Variants in KIAA1217 observed in about 807,000 individuals in gnomAD.
KIAA1217 encodes the protein KIAA1217.
KIAA1217 carries 88 observed loss-of-function variants against 163.9 expected under a neutral mutation model. The ratio of observed to expected loss-of-function variants is 0.54; its 90% CI spans 0.45 to 0.64. The LOEUF (loss-of-function observed/expected upper bound fraction) is 0.64, where lower values mean the gene tolerates loss of function less well. Among genes scored for constraint, KIAA1217 ranks in the 30% least tolerant of loss-of-function variants. The pLI is 0.00. For missense variants in KIAA1217, 2,372 were observed against 2,475.0 expected (o/e 0.96, Z 0.88); for synonymous variants, 903 against 923.1 (o/e 0.98, Z 0.39).
chr10:23,853,258 T>G (rs1030356480), intron 1 of KIAA1217, among the ~76,000 whole-genome samples: 3 of 152,238 alleles, frequency 2.0e-5, no homozygotes, highest in Admixed American at 6.5e-5. Flanking sequence ...CTTTTGTGCA[T>G]CTATTGAGAT....
chr10:23,958,860 G>A (rs11013814), intron 1 of KIAA1217, among the ~76,000 whole-genome samples: 8,587 of 151,022 alleles, frequency 0.057, 366 homozygotes, highest in African/African-American at 0.12. Flanking sequence ...TTTTACTCTC[G>A]CAGACAGGCT....
chr10:24,426,152 A>C (rs1007438474), intron 3 of KIAA1217, among the ~76,000 whole-genome samples: 1 of 152,206 alleles, frequency 6.6e-6, no homozygotes, highest in African/African-American at 2.4e-5. Flanking sequence ...TTCAGGGAAA[A>C]TGGTATTGCT....
chr10:23,944,425 A>G (rs1176766486), intron 1 of KIAA1217, among the ~76,000 whole-genome samples: 1 of 152,164 alleles, frequency 6.6e-6, no homozygotes, highest in Admixed American at 6.5e-5. Context: ...CCCTGTCTCA[A>G]AAAAAGAAGT....
In KIAA1217 at chr10:24,546,693, G is replaced by A. The variant is rs1009163337; in HGVS notation, c.*369G>A. The A allele has an allele frequency of 5.9e-5, 10 of 170,124 alleles. No homozygotes were observed. The highest frequency in any genetic ancestry group is 2.1e-4 in the African/African-American group (9 of 41,952). 10.5% of individuals were successfully genotyped at this position (170,124 alleles called of 1,614,324 possible). ...TTTGTATAAAACTATTTTTCATTAC[G>A]GAGACTAGAAGTGAACAGAGAATTA... On this transcript the variant is annotated 3_prime_UTR_variant, in exon 21 of 21. Coordinates refer to ENST00000376454, the MANE Select transcript of KIAA1217 (RefSeq NM_019590.5).
intron 2 of KIAA1217, among the ~76,000 whole-genome samples, chr10:24,057,346 G>A (rs906210765): frequency 2.6e-5 from 4 of 152,126 alleles, no homozygotes; most frequent in African/African-American, 9.7e-5. Flanking sequence ...ATTAACTATA[G>A]ACACAACATG....
intron 2 of KIAA1217, among the ~76,000 whole-genome samples, chr10:24,146,163 T>C (rs946655315): frequency 1.3e-5 from 2 of 152,214 alleles, no homozygotes; most frequent in Non-Finnish European, 2.9e-5. Flanking sequence ...CCGTTTCATA[T>C]TGAATTAATC....
chr10:24,328,148 G>A (rs1428710963), intron 2 of KIAA1217, among the ~76,000 whole-genome samples: 1 of 152,164 alleles, frequency 6.6e-6, no homozygotes, highest in Non-Finnish European at 1.5e-5. Context: ...TATTGCCGGG[G>A]AAGAAAGCTT....
intron 1 of KIAA1217, among the ~76,000 whole-genome samples, chr10:23,715,944 AT>A (rs1359548432): frequency 6.6e-6 from 1 of 152,154 alleles, no homozygotes; most frequent in Non-Finnish European, 1.5e-5. Context: ...CATTGCACCA[AT>A]TTGCAAGTTA....
At chr10:23,887,811 C>A (rs1841247980) in intron 1 of KIAA1217, among the ~76,000 whole-genome samples, 1 of 151,902 alleles carries the variant, frequency 6.6e-6, no homozygotes, top group African/African-American at 2.4e-5. Context: ...CCTCCACCCC[C>A]AGAGAACCTG....
intron 2 of KIAA1217, among the ~76,000 whole-genome samples, chr10:24,124,730 T>C (rs2063406009): frequency 6.6e-6 from 1 of 152,242 alleles, no homozygotes; most frequent in Non-Finnish European, 1.5e-5. Flanking sequence ...TAAATTATAC[T>C]AATAAATTTC....
At chr10:23,969,436 C>T (rs1034454162) in intron 1 of KIAA1217, among the ~76,000 whole-genome samples, 2 of 152,210 alleles carry the variant, frequency 1.3e-5, no homozygotes, top group Admixed American at 1.3e-4. Context: ...TCTAATTTCC[C>T]CACAACCTCA....
chr10:24,451,146 A>G (rs907861162), intron 5 of KIAA1217, among the ~76,000 whole-genome samples: 1 of 152,210 alleles, frequency 6.6e-6, no homozygotes, highest in Admixed American at 6.5e-5. Flanking sequence ...CTTCTTTACT[A>G]CACAGACCTT....
intron 2 of KIAA1217, among the ~76,000 whole-genome samples, chr10:24,146,936 A>G (rs2064343178): frequency 6.6e-6 from 1 of 151,932 alleles, no homozygotes; most frequent in South Asian, 2.1e-4. Flanking sequence ...CGTATCTTCA[A>G]CATCAAAATG....
At chr10:23,917,115 A>G (rs916616937) in intron 1 of KIAA1217, among the ~76,000 whole-genome samples, 10 of 152,092 alleles carry the variant, frequency 6.6e-5, no homozygotes, top group African/African-American at 2.4e-4. Context: ...GTGTTTTAAC[A>G]TATTTTATTA....
At chr10:23,759,342 T>C (rs1328851822) in intron 1 of KIAA1217, among the ~76,000 whole-genome samples, 1 of 152,220 alleles carries the variant, frequency 6.6e-6, no homozygotes, top group Non-Finnish European at 1.5e-5. Flanking sequence ...TATAAGAACA[T>C]GCCATATGTG....
chr10:23,779,345 A>G (rs117441203), intron 1 of KIAA1217, among the ~76,000 whole-genome samples: 2 of 152,220 alleles, frequency 1.3e-5, no homozygotes, highest in South Asian at 2.1e-4. Context: ...TTCTTTCTTC[A>G]TCGTCTCCCT....
At chr10:24,391,333 C>CTTTTTTTTTTTT (rs768727392) in intron 3 of KIAA1217, among the ~76,000 whole-genome samples, 117 of 29,868 alleles carry the variant, frequency 3.9e-3, no homozygotes, top group Non-Finnish European at 5.1e-3. Context: ...TTCTTTCTTT[C>CTTTTTTTTTTTT]TTTTTTTTTT....
rs759353807 is a variant in KIAA1217, at chr10:24,513,335, T to C, written c.2078T>C (p.Met693Thr). 9.3e-6 allele frequency: 15 copies of C among 1,613,958 alleles called. No homozygotes were observed. In the South Asian group the frequency reaches 1.2e-4, roughly 13 times the overall value. Residue 693 changes from methionine (M) to threonine (T), a missense_variant, in exon 10 of 21, where the codon ATG (methionine) becomes ACG (threonine). Around this residue, in one of 3 missense-constraint regions of KIAA1217, gnomAD observed 1,431 missense variants for 1,470.3 expected, o/e 0.97. Coordinates refer to ENST00000376454, the MANE Select transcript of KIAA1217 (RefSeq NM_019590.5). ...ATCAGTGGCAAAGTGATGGAAACAATGAAGAGACTGGAGGATCCCGTGCAG... is the reference window on the plus strand; with the variant it reads ...ATCAGTGGCAAAGTGATGGAAACAACGAAGAGACTGGAGGATCCCGTGCAG... ...LEISGKVMETMKRLEDPVQRQ... is the reference protein window; with the variant it reads ...LEISGKVMETTKRLEDPVQRQ...
intron 2 of KIAA1217, among the ~76,000 whole-genome samples, chr10:24,068,437 C>G (rs1285327903): frequency 6.6e-6 from 1 of 152,140 alleles, no homozygotes; most frequent in Admixed American, 6.5e-5. Flanking sequence ...AATTATCTGT[C>G]AGATAATTCA....
Sources: allele counts gnomAD v4.1 joint callset (sites outside exome capture counted in the v4.1 genomes callset), GRCh38; gene constraint gnomAD v4.1.1; regional missense constraint gnomAD v4.1.1; transcripts MANE v1.5; gene names NCBI Gene and HGNC (gene_info 2026-07-23, HGNC 2026-07-21).